Variants in LRRK1 observed in about 807,000 individuals in gnomAD.
LRRK1 encodes leucine rich repeat kinase 1, also known as leucine-rich repeat serine/threonine-protein kinase 1.
In LRRK1, 113 loss-of-function variants were observed where a neutral mutation model predicts 209.1. That is an observed-to-expected ratio of 0.54 (90% confidence interval 0.46 to 0.63). The LOEUF (loss-of-function observed/expected upper bound fraction) is 0.63, where lower values mean the gene tolerates loss of function less well. Among genes scored for constraint, LRRK1 ranks in the 30% least tolerant of loss-of-function variants. LRRK1 has a pLI of 0.00. For synonymous variants in LRRK1, 1,144 were observed against 1,099.7 expected (o/e 1.04, Z -0.80); for missense variants, 2,284 against 2,632.2 (o/e 0.87, Z 2.89).
chr15:101,013,806 G>A (rs568828151), intron 10 of LRRK1, among the ~76,000 whole-genome samples: 3 of 152,162 alleles, frequency 2.0e-5, no homozygotes, highest in African/African-American at 2.4e-5. Context: ...GGACTGTGTC[G>A]GCTAGCAGAG....
In LRRK1 at chr15:101,011,999, A is replaced by T. The variant is rs1450152533; in HGVS notation, c.1282-9A>T. On this transcript the variant is annotated splice_polypyrimidine_tract_variant and intron_variant, in intron 9 of 33. Transcript: ENST00000388948. The stretch of plus-strand genomic sequence containing the variant: ...TAATATACATTTTTTTTTCTCGTCA[A>T]TCTCTTAGAAATGTTGTAAAGCTTC... 11 of 1,581,178 alleles carry T rather than the reference A, an allele frequency of 7.0e-6. No individual in the cohort carries two copies. The Admixed American group carries it at 7.8e-5, about 11-fold the overall frequency.
At chr15:101,025,348 T>C (rs913117214) in intron 16 of LRRK1, among the ~76,000 whole-genome samples, 2 of 152,138 alleles carry the variant, frequency 1.3e-5, no homozygotes, top group Non-Finnish European at 2.9e-5. Context: ...CAGAACACCA[T>C]AGACACCCCT....
chr15:101,010,429 C>G, intron 7 of LRRK1, 21 bp from the exon 8 acceptor site: 1 of 1,597,316 alleles, frequency 6.3e-7, no homozygotes. Context: ...TGATGCCTGC[C>G]TTCCTTCTTC....
chr15:101,010,672 A>G lies in LRRK1; in HGVS notation c.1118-2A>G, dbSNP rs200795770. 1 of 1,476,030 alleles carries G rather than the reference A, an allele frequency of 6.8e-7. No individual in the cohort carries two copies. The highest frequency in any genetic ancestry group is 9.2e-7 in the Non-Finnish European group (1 of 1,090,902). The allele number at this position is 1,476,030 out of a possible 1,614,324, so 91.4% of individuals were successfully genotyped here. ...ACTTTGGGTCTTTTTTTTTTTTTTT[A>G]GCCACTAACTGGATAGGTTTACGGA... On this transcript the variant is annotated splice_acceptor_variant, in intron 8 of 33. Coordinates refer to ENST00000388948, the MANE Select transcript of LRRK1 (RefSeq NM_024652.6). LOFTEE classifies it high-confidence loss of function.
At chr15:101,002,884 C>T (rs1464783331) in intron 6 of LRRK1, among the ~76,000 whole-genome samples, 2 of 152,160 alleles carry the variant, frequency 1.3e-5, no homozygotes, top group African/African-American at 4.8e-5. Flanking sequence ...GTGTGCACCA[C>T]CACACCTGGT....
intron 29 of LRRK1, among the ~76,000 whole-genome samples, chr15:101,058,524 T>C (rs2141147716): frequency 6.9e-6 from 1 of 144,384 alleles, no homozygotes; most frequent in South Asian, 2.2e-4. Context: ...ATTAGAAAAT[T>C]TAAAACATTT....
At chr15:101,028,142 G>A (rs753702735) in intron 19 of LRRK1, among the ~76,000 whole-genome samples, 2 of 152,146 alleles carry the variant, frequency 1.3e-5, no homozygotes, top group Non-Finnish European at 1.5e-5. Flanking sequence ...TAAAGTCACC[G>A]CGATCACTGA....
intron 2 of LRRK1, among the ~76,000 whole-genome samples, chr15:100,930,161 C>A (rs1206789787): frequency 6.6e-6 from 1 of 152,222 alleles, no homozygotes; most frequent in Non-Finnish European, 1.5e-5. Flanking sequence ...GCTCTCTTTG[C>A]ACCAGGCTTT....
At position 100,919,671 on chromosome 15, in the gene LRRK1, C is replaced by A. The variant is rs1214957944; in HGVS notation, c.-123+220C>A. Reference sequence around the variant, plus strand: ...GGCGTGTGGGGCGACCCCGGTCTCACGTCCCCGCTGCCTCCCGCCGCGCCC... The same window carrying A: ...GGCGTGTGGGGCGACCCCGGTCTCAAGTCCCCGCTGCCTCCCGCCGCGCCC... On this transcript the variant is annotated intron_variant, in intron 1 of 33. Transcript: ENST00000388948. This position sits in a 1 kb window ranked among gnomAD's most constrained non-coding sequence, Gnocchi z 5.8. 1.3e-5 allele frequency among the ~76,000 whole-genome samples: 2 copies of A among 151,548 alleles called. No individual in the cohort carries two copies. The highest frequency in any genetic ancestry group is 4.8e-5 in the African/African-American group (2 of 41,322).
chr15:101,011,979 T>C (rs149666291), intron 9 of LRRK1, 29 bp from the exon 10 acceptor site: 15,622 of 1,544,140 alleles, frequency 0.01, 101 homozygotes, highest in Middle Eastern at 0.041. Flanking sequence ...CTAACTAATA[T>C]ACATTTTTTT....
At chr15:100,987,237 T>C (rs2031924838) in intron 4 of LRRK1, among the ~76,000 whole-genome samples, 1 of 152,182 alleles carries the variant, frequency 6.6e-6, no homozygotes, top group South Asian at 2.1e-4. Context: ...ATCAATGTCC[T>C]GTCGCGAAGG....
At chr15:100,925,673 C>T (rs2042096591) in intron 2 of LRRK1, among the ~76,000 whole-genome samples, 1 of 152,188 alleles carries the variant, frequency 6.6e-6, no homozygotes, top group Non-Finnish European at 1.5e-5. Context: ...TTGTCAATCC[C>T]TTAGTATGTA....
At chr15:100,974,428 C>T (rs2031171895) in intron 3 of LRRK1, among the ~76,000 whole-genome samples, 1 of 125,150 alleles carries the variant, frequency 8.0e-6, no homozygotes. Context: ...CCGATCTGAG[C>T]ATACATGGTT....
rs1330090853 is a variant in LRRK1 at position 100,941,412 on chromosome 15, C to A, written c.97+16683C>A. ...TCTCTGTGTGTGTCTGTGTGTGTCTCTGTGTGTGTGTGTGTCTGTGTGTGT... is the reference window on the plus strand; with the variant it reads ...TCTCTGTGTGTGTCTGTGTGTGTCTATGTGTGTGTGTGTGTCTGTGTGTGT... On this transcript the variant is annotated intron_variant, in intron 2 of 33. Transcript: ENST00000388948. 6.8e-3 allele frequency among the ~76,000 whole-genome samples: 87 copies of A among 12,806 alleles called. 3 individuals are homozygous for A. Among genetic ancestry groups the A allele is most frequent in the African/African-American group, 0.02 (72 of 3,584 alleles). The allele number at this position is 12,806 out of a possible 152,430, so 8.4% of individuals were successfully genotyped here.
At chr15:100,985,896 CAAG>C (rs898272544) in intron 4 of LRRK1, among the ~76,000 whole-genome samples, 8 of 151,714 alleles carry the variant, frequency 5.3e-5, no homozygotes, top group African/African-American at 2.0e-4. Context: ...TAAGTCAAGA[CAAG>C]AAGACAAACA....
chr15:100,969,533 G>A (rs1299063439), intron 2 of LRRK1, among the ~76,000 whole-genome samples: 2 of 151,924 alleles, frequency 1.3e-5, no homozygotes, highest in Non-Finnish European at 2.9e-5. Flanking sequence ...TGAGCAGGAT[G>A]TGCTTGTTTG....
chr15:101,065,679 G>A lies in LRRK1; in HGVS notation c.5242G>A (p.Glu1748Lys), dbSNP rs1390431435. The change falls in exon 32 of 34, where the codon GAG becomes AAG. Residue 1748 changes from glutamate to lysine, a missense_variant. Glu to Lys is a moderately conservative substitution (Grantham distance 56). Transcript: ENST00000388948. ...CGTGTGCAGCTCTGAGGGCAGAGGG[G>A]AGGAGGTCGTCTGGTGCCTGGATGA... ...SVVCSSEGRG[E>K]EVVWCLDDKA... 1.2e-5 allele frequency: 19 copies of A among 1,614,144 alleles called. No individual in the cohort carries two copies. The highest frequency in any genetic ancestry group is 1.6e-5 in the Non-Finnish European group (19 of 1,180,022).
chr15:101,054,527 C>T (rs2035676634), intron 26 of LRRK1, among the ~76,000 whole-genome samples: 1 of 152,230 alleles, frequency 6.6e-6, no homozygotes, highest in South Asian at 2.1e-4. Flanking sequence ...TATCTAAGGG[C>T]CAGGCGCAGT....
intron 2 of LRRK1, among the ~76,000 whole-genome samples, chr15:100,942,297 T>A (rs1395111326): frequency 6.6e-6 from 1 of 152,206 alleles, no homozygotes; most frequent in East Asian, 1.9e-4. Flanking sequence ...TGCGGAATGG[T>A]TAGCACCATA....
Sources: gnomAD v4.1 joint callset for allele counts (sites outside exome capture counted in the v4.1 genomes callset) on GRCh38, gnomAD v4.1.1 for gene constraint, Gnocchi (gnomAD v3.1) non-coding constraint, MANE v1.5 for transcripts, NCBI Gene and HGNC (gene_info 2026-07-23, HGNC 2026-07-21) for gene names.